The following NOL4 variants were observed in gnomAD, a reference collection of about 807,000 sequenced individuals.
NOL4 encodes the protein cancer/testis antigen 125.
Under a neutral mutation model 75.9 loss-of-function variants are expected in NOL4, and 17 were observed. That is an observed-to-expected ratio of 0.22 (90% CI 0.15 to 0.34). NOL4 has a LOEUF of 0.34. NOL4 is among the 10% of genes least tolerant of loss of function. The pLI is 1.00. For synonymous variants in NOL4, 292 were observed against 289.9 expected (o/e 1.01, Z -0.07); for missense variants, 614 against 793.5 (o/e 0.77, Z 2.72).
At chr18:34,030,392 T>G in intron 5 of NOL4, among the ~76,000 whole-genome samples, 1 of 152,274 alleles carries the variant, frequency 6.6e-6, no homozygotes, top group Non-Finnish European at 1.5e-5. Flanking sequence ...ACAAAAGGCC[T>G]AATCTTCACC....
chr18:34,102,870 C>T (rs1432153106), intron 4 of NOL4, among the ~76,000 whole-genome samples: 1 of 151,742 alleles, frequency 6.6e-6, no homozygotes, highest in Non-Finnish European at 1.5e-5. Context: ...ATCTTTAACC[C>T]AATGATTTTA....
In NOL4 at chr18:34,094,522, T is replaced by C. The variant is rs543310745; in HGVS notation, c.640-925A>G. ...GGCCAATTTATCAAAACTTTCCAAA[T>C]GTTAAACCAAATCTAGGATATATTA... On this transcript the variant is annotated intron_variant, in intron 4 of 10. Transcript: ENST00000261592. 2.6e-5 allele frequency among the ~76,000 whole-genome samples: 4 copies of C among 152,336 alleles called. No individual in the cohort carries two copies. The South Asian group carries it at 8.3e-4, about 32-fold the overall frequency.
Position 34,130,039 on chromosome 18 carries a change from C to A in NOL4, c.265-19G>T. ...CGCCATCCTGGAAACAAAACAACAA[C>A]AACAAAAACCCATAAGATTAATAAA... is the stretch of plus-strand genomic sequence containing the variant. On this transcript the variant is annotated intron_variant, in intron 1 of 10. Transcript: ENST00000261592. 1 of 1,508,616 alleles carries A rather than the reference C, an allele frequency of 6.6e-7. No individual in the cohort carries two copies. Among genetic ancestry groups the A allele is most frequent in the Non-Finnish European group, 8.9e-7 (1 of 1,129,720 alleles). The allele number at this position is 1,508,616 out of a possible 1,614,324, so 93.5% of individuals were successfully genotyped here.
At chr18:34,155,508 T>C (rs1237338664) in intron 1 of NOL4, among the ~76,000 whole-genome samples, 1 of 152,036 alleles carries the variant, frequency 6.6e-6, no homozygotes, top group Non-Finnish European at 1.5e-5. Flanking sequence ...GCAAACATCA[T>C]AGAGTGTTCT....
At chr18:34,051,565 A>G (rs2076626607) in intron 5 of NOL4, among the ~76,000 whole-genome samples, 2 of 152,120 alleles carry the variant, frequency 1.3e-5, no homozygotes, top group South Asian at 4.1e-4. Context: ...TAGAAAATTG[A>G]TTTAGCATCT....
At chr18:34,155,927 T>C (rs1301602012) in intron 1 of NOL4, among the ~76,000 whole-genome samples, 1 of 152,142 alleles carries the variant, frequency 6.6e-6, no homozygotes, top group African/African-American at 2.4e-5. Flanking sequence ...AATGATTTAA[T>C]GCAGGCTCAA....
Position 33,874,765 on chromosome 18 carries a change from A to C in NOL4, c.1723+8479T>G, listed in dbSNP as rs554703854. On this transcript the variant is annotated intron_variant, in intron 10 of 10. Transcript: ENST00000261592. ...CCTTTGAACATTTCAGATGAAAAAT[A>C]TGTTTCAGAATGCTGGTTTCTGGCA... Among the ~76,000 whole-genome samples, 6 of 152,014 alleles carry C rather than the reference A, an allele frequency of 3.9e-5. No individual in the cohort carries two copies. In the East Asian group the frequency reaches 1.2e-3, roughly 29 times the overall value.
intron 9 of NOL4, among the ~76,000 whole-genome samples, chr18:33,894,198 T>C (rs934326414): frequency 6.6e-6 from 1 of 152,040 alleles, no homozygotes; most frequent in Non-Finnish European, 1.5e-5. Flanking sequence ...GGAAAATTCA[T>C]AGAAATTCTG....
chr18:33,903,092 T>A (rs2065837065), intron 9 of NOL4, among the ~76,000 whole-genome samples: 1 of 152,174 alleles, frequency 6.6e-6, no homozygotes. Flanking sequence ...TTTCAGAATC[T>A]TTTTATAACT....
chr18:33,969,292 T>G (rs1032254130), intron 6 of NOL4, among the ~76,000 whole-genome samples: 1 of 152,196 alleles, frequency 6.6e-6, no homozygotes, highest in South Asian at 2.1e-4. Context: ...ACCTTCGATA[T>G]GGACTGAAGT....
At chr18:34,043,863 A>G (rs2076246664) in intron 5 of NOL4, among the ~76,000 whole-genome samples, 1 of 152,048 alleles carries the variant, frequency 6.6e-6, no homozygotes. Flanking sequence ...AAAAGGCCCA[A>G]CCTTTTGACT....
chr18:33,989,192 A>C (rs2072726291), intron 6 of NOL4, among the ~76,000 whole-genome samples: 1 of 17,444 alleles, frequency 5.7e-5, no homozygotes, highest in Admixed American at 6.8e-4. Context: ...CATCTCTACA[A>C]AAAAAAAAAA....
At chr18:34,221,837 A>C (rs1285759166) in intron 1 of NOL4, among the ~76,000 whole-genome samples, 1 of 152,170 alleles carries the variant, frequency 6.6e-6, no homozygotes, top group African/African-American at 2.4e-5. Flanking sequence ...ATATACCTCC[A>C]TTAGAGATAG....
chr18:33,887,317 T>C (rs2064803641), intron 9 of NOL4, among the ~76,000 whole-genome samples: 1 of 151,300 alleles, frequency 6.6e-6, no homozygotes, highest in Admixed American at 6.6e-5. Flanking sequence ...TCACATTTTG[T>C]TGGTATTACT....
At chr18:34,023,752 T>A (rs1249935003) in intron 5 of NOL4, 1 of 245,346 alleles carries the variant, frequency 4.1e-6, no homozygotes, top group African/African-American at 2.2e-5. Context: ...GTTCTGTGGC[T>A]ACTTTTGATG....
intron 9 of NOL4, among the ~76,000 whole-genome samples, chr18:33,904,545 CT>C (rs1230042056): frequency 6.6e-6 from 1 of 152,048 alleles, no homozygotes; most frequent in African/African-American, 2.4e-5. Context: ...AGAACAAACT[CT>C]TTGTGGCAAT....
intron 5 of NOL4, among the ~76,000 whole-genome samples, chr18:34,043,845 G>A (rs1390478804): frequency 6.6e-6 from 1 of 151,940 alleles, no homozygotes; most frequent in African/African-American, 2.4e-5. Flanking sequence ...AAACATATAG[G>A]CCTGAATAAA....
chr18:33,909,901 T>C (rs185482916), intron 9 of NOL4, among the ~76,000 whole-genome samples: 1 of 152,012 alleles, frequency 6.6e-6, no homozygotes, highest in South Asian at 2.1e-4. Context: ...TGTAAACTAA[T>C]GATTGGGGAT....
chr18:34,177,421 T>G (rs1473495562), intron 1 of NOL4, among the ~76,000 whole-genome samples: 1 of 151,942 alleles, frequency 6.6e-6, no homozygotes, highest in Non-Finnish European at 1.5e-5. Context: ...ATATGTACAA[T>G]TTATTGTACG....
Sources: allele counts gnomAD v4.1 joint callset (sites outside exome capture counted in the v4.1 genomes callset), GRCh38; gene constraint gnomAD v4.1.1; transcripts MANE v1.5; gene names NCBI Gene and HGNC (gene_info 2026-07-23, HGNC 2026-07-21).